Variants in CNTN5 observed in about 807,000 individuals in gnomAD.
CNTN5 encodes the protein contactin 5.
In CNTN5, 77 loss-of-function variants were observed where a neutral mutation model predicts 129.1. The observed-to-expected ratio is 0.60, with a 90% CI of 0.50 to 0.72. The LOEUF is 0.72. Among genes scored for constraint, CNTN5 ranks in the 30% least tolerant of loss-of-function variants. The probability of loss-of-function intolerance (pLI) is 0.00; values close to 1 mark genes in which losing one functional copy is unlikely to be tolerated. For missense variants in CNTN5, 1,478 were observed against 1,328.8 expected (o/e 1.11, Z -1.75); for synonymous variants, 509 against 465.6 (o/e 1.09, Z -1.20).
chr11:99,478,434 C>T (rs1039277769), intron 2 of CNTN5, among the ~76,000 whole-genome samples: 1 of 151,988 alleles, frequency 6.6e-6, no homozygotes, highest in Non-Finnish European at 1.5e-5. Context: ...CTCTTTTAAC[C>T]AATTCACAGA....
intron 3 of CNTN5, among the ~76,000 whole-genome samples, chr11:99,750,634 G>A (rs1005203782): frequency 6.6e-6 from 1 of 151,890 alleles, no homozygotes; most frequent in African/African-American, 2.4e-5. Flanking sequence ...CAGAGTAAAT[G>A]TTGCCAGAAT....
chr11:100,334,397 A>T (rs958570258), intron 21 of CNTN5, among the ~76,000 whole-genome samples: 1 of 152,340 alleles, frequency 6.6e-6, no homozygotes, highest in Non-Finnish European at 1.5e-5. Context: ...CTAAAAGTAG[A>T]TCTACCATTT....
At chr11:100,243,029 A>G (rs1407840444) in intron 16 of CNTN5, among the ~76,000 whole-genome samples, 5 of 152,148 alleles carry the variant, frequency 3.3e-5, no homozygotes, top group Non-Finnish European at 5.9e-5. Context: ...GGTTTTTAGG[A>G]ATTCCCTTTG....
At chr11:99,400,758 G>T (rs1941763832) in intron 2 of CNTN5, among the ~76,000 whole-genome samples, 1 of 152,010 alleles carries the variant, frequency 6.6e-6, no homozygotes, top group Non-Finnish European at 1.5e-5. Context: ...CCTGTCTTTT[G>T]GATATAAGCC....
chr11:99,312,638 A>G (rs906309456), intron 1 of CNTN5, among the ~76,000 whole-genome samples: 5 of 152,134 alleles, frequency 3.3e-5, no homozygotes, highest in African/African-American at 1.2e-4. Flanking sequence ...TAGCCTTTCT[A>G]TATCTCTGTT....
At chr11:99,612,268 G>A (rs1407922651) in intron 3 of CNTN5, among the ~76,000 whole-genome samples, 1 of 152,120 alleles carries the variant, frequency 6.6e-6, no homozygotes, top group Non-Finnish European at 1.5e-5. Flanking sequence ...ATTTCTACTT[G>A]AGCAAGATGC....
At chr11:99,480,994 G>T (rs1194733663) in intron 2 of CNTN5, among the ~76,000 whole-genome samples, 1 of 152,072 alleles carries the variant, frequency 6.6e-6, no homozygotes, top group African/African-American at 2.4e-5. Context: ...CTTTTGAGAA[G>T]AATGTGCACC....
In CNTN5 at chr11:99,582,337, C is replaced by G. The variant is rs1276549737; in HGVS notation, c.55+26068C>G. Among the ~76,000 whole-genome samples, 9 of 152,036 alleles carry G rather than the reference C, an allele frequency of 5.9e-5. 1 individual carries two copies. The South Asian group carries it at 1.0e-3, about 18-fold the overall frequency. ...GCTCTTCTCGAGGAGTATCTTTGTGCCATTCTCTTTATTTCCTGAATTTGA... is the reference window on the plus strand; with the variant it reads ...GCTCTTCTCGAGGAGTATCTTTGTGGCATTCTCTTTATTTCCTGAATTTGA... On this transcript the variant is annotated intron_variant, in intron 3 of 24. Transcript: ENST00000524871.
intron 2 of CNTN5, among the ~76,000 whole-genome samples, chr11:99,392,255 G>T (rs1941301759): frequency 6.6e-6 from 1 of 151,390 alleles, no homozygotes; most frequent in South Asian, 2.1e-4. Flanking sequence ...AACTATAATA[G>T]TTATTATACT....
intron 9 of CNTN5, among the ~76,000 whole-genome samples, chr11:100,054,957 A>AAGT (rs397787172): frequency 6.9e-6 from 1 of 144,982 alleles, no homozygotes; most frequent in Non-Finnish European, 1.5e-5. Context: ...CCAACAAAAG[A>AAGT]GTAGAGAGTC....
At chr11:99,556,758 C>A (rs1328767573) in intron 3 of CNTN5, among the ~76,000 whole-genome samples, 1 of 150,408 alleles carries the variant, frequency 6.6e-6, no homozygotes, top group Non-Finnish European at 1.5e-5. Context: ...ATATATAACA[C>A]AGTATCTAAA....
intron 1 of CNTN5, among the ~76,000 whole-genome samples, chr11:99,220,743 A>T (rs942331501): frequency 6.6e-6 from 1 of 152,000 alleles, no homozygotes; most frequent in Non-Finnish European, 1.5e-5. Flanking sequence ...GGCCAGATTA[A>T]TGCTTTGGAG....
chr11:100,068,329 G>C (rs1166501789), intron 10 of CNTN5, among the ~76,000 whole-genome samples: 1 of 152,120 alleles, frequency 6.6e-6, no homozygotes, highest in Non-Finnish European at 1.5e-5. Flanking sequence ...GGTGTCCAGA[G>C]GAGGTGCACA....
chr11:99,806,132 C>G (rs1392426903), intron 3 of CNTN5, among the ~76,000 whole-genome samples: 2 of 152,136 alleles, frequency 1.3e-5, no homozygotes, highest in African/African-American at 2.4e-5. Context: ...GCAGATTTGA[C>G]TTAAATTCAT....
chr11:99,313,340 A>C (rs549314941), intron 1 of CNTN5, among the ~76,000 whole-genome samples: 31 of 152,166 alleles, frequency 2.0e-4, no homozygotes, highest in African/African-American at 7.2e-4. Flanking sequence ...ACAGATTTTC[A>C]CTTCTTTTGC....
intron 3 of CNTN5, among the ~76,000 whole-genome samples, chr11:99,779,475 A>C (rs1305167760): frequency 1.3e-5 from 2 of 152,012 alleles, no homozygotes; most frequent in Admixed American, 6.6e-5. Flanking sequence ...AATATGTGAT[A>C]CAAAATCTTG....
rs750339755 is a variant in CNTN5, at chr11:99,556,203, T to C, written c.-12T>C. 6 of 1,493,514 alleles carry C rather than the reference T, an allele frequency of 4.0e-6. No individual in the cohort carries two copies. In the East Asian group the frequency reaches 1.0e-4, roughly 25 times the overall value. The allele number at this position is 1,493,514 out of a possible 1,614,324, so 92.5% of individuals were successfully genotyped here. On this transcript the variant is annotated 5_prime_UTR_variant, in exon 3 of 25. Transcript: ENST00000524871. ...AAACACATTGAGACACAGAAGATTC[T>C]AGTGACTGAGGATGGCTTCCTCTTG...
At chr11:100,034,661 T>C (rs989456759) in intron 9 of CNTN5, among the ~76,000 whole-genome samples, 1 of 152,204 alleles carries the variant, frequency 6.6e-6, no homozygotes, top group Non-Finnish European at 1.5e-5. Flanking sequence ...CATTTACTTG[T>C]GTATTATTGG....
intron 13 of CNTN5, among the ~76,000 whole-genome samples, chr11:100,080,070 C>T (rs993978869): frequency 1.3e-5 from 2 of 152,014 alleles, no homozygotes; most frequent in East Asian, 3.9e-4. Context: ...ATTTTGTTTC[C>T]TTTCCATAAG....
Sources: allele counts gnomAD v4.1 joint callset (sites outside exome capture counted in the v4.1 genomes callset), GRCh38; gene constraint gnomAD v4.1.1; transcripts MANE v1.5; gene names NCBI Gene and HGNC (gene_info 2026-07-23, HGNC 2026-07-21).